Variants in RPA1 observed in about 807,000 individuals in gnomAD.
RPA1 encodes the protein replication protein A 70 kDa DNA-binding subunit.
Under a neutral mutation model 83.0 loss-of-function variants are expected in RPA1, and 49 were observed. The observed-to-expected ratio is 0.59, with a 90% confidence interval of 0.47 to 0.75. RPA1 has a LOEUF of 0.75. RPA1 is among the 30% of genes least tolerant of loss of function. The pLI is 0.00. For synonymous variants in RPA1, 279 were observed against 281.8 expected (o/e 0.99, Z 0.10); for missense variants, 693 against 776.1 (o/e 0.89, Z 1.27).
intron 1 of RPA1, among the ~76,000 whole-genome samples, chr17:1,838,051 G>T (rs945441317): frequency 6.6e-6 from 1 of 152,164 alleles, no homozygotes; most frequent in African/African-American, 2.4e-5. Context: ...CAGCACTTTG[G>T]GAGGCTGAGG....
At chr17:1,880,491 C>T in intron 11 of RPA1, 52 bp from the exon 12 acceptor site, 4 of 1,584,680 alleles carry the variant, frequency 2.5e-6, no homozygotes, top group African/African-American at 1.4e-5. Context: ...TAAAAATCTT[C>T]TGTGTTCTTC....
intron 14 of RPA1, among the ~76,000 whole-genome samples, chr17:1,891,330 T>C (rs1355956305): frequency 6.6e-6 from 1 of 152,206 alleles, no homozygotes; most frequent in Non-Finnish European, 1.5e-5. Flanking sequence ...AGCCGTCTCA[T>C]GGAACTCCTC....
At chr17:1,841,066 AAAAAT>A (rs753266359) in intron 1 of RPA1, among the ~76,000 whole-genome samples, 25 of 152,312 alleles carry the variant, frequency 1.6e-4, no homozygotes, top group Non-Finnish European at 2.5e-4. Context: ...CCGTCTCAAA[AAAAAT>A]AAAATAAAAT....
At chr17:1,846,150 A>G (rs1912247386) in intron 4 of RPA1, among the ~76,000 whole-genome samples, 1 of 151,800 alleles carries the variant, frequency 6.6e-6, no homozygotes, top group Admixed American at 6.6e-5. Flanking sequence ...CTTCCCCATT[A>G]TCAGCCTGTT....
chr17:1,831,898 CTTTTTTTTTTTTTTTT>C (rs138268342), intron 1 of RPA1, among the ~76,000 whole-genome samples: 6 of 37,816 alleles, frequency 1.6e-4, no homozygotes, highest in Non-Finnish European at 3.2e-4. Flanking sequence ...TGTGCCCGGC[CTTTTTTTTTTTTTTTT>C]TTTTTTTTTT....
rs773780886 is a variant in RPA1, at chr17:1,880,545, T to C, written c.1095T>C (p.Ala365=). Residue 365 remains alanine (A), a splice_region_variant and synonymous_variant, in exon 12 of 17, where the codon GCT becomes GCC. Coordinates refer to ENST00000254719, the MANE Select transcript of RPA1 (RefSeq NM_002945.5). ...TATGTCTGGTGTTTCTTTTACAGGC[T>C]GATAAATTTGATGGTTCTAGACAGC... ...VVTATLWGED[A]DKFDGSRQPV... is the part of the protein sequence containing the mutation. 2.4e-5 allele frequency: 39 copies of C among 1,613,348 alleles called. No homozygotes were observed. In the Admixed American group the frequency reaches 5.7e-4, roughly 23 times the overall value.
intron 5 of RPA1, among the ~76,000 whole-genome samples, chr17:1,867,013 G>A (rs1597442257): frequency 6.6e-6 from 1 of 152,252 alleles, no homozygotes; most frequent in South Asian, 2.1e-4. Context: ...GGGAAGATGT[G>A]GGGCTAGGCC....
At chr17:1,858,750 C>T (rs1912820548) in intron 5 of RPA1, among the ~76,000 whole-genome samples, 1 of 152,024 alleles carries the variant, frequency 6.6e-6, no homozygotes, top group African/African-American at 2.4e-5. Context: ...CAGACATGAG[C>T]CATCGTGCCA....
rs17292343 is a variant in RPA1 at position 1,889,574 on chromosome 17, C to T, written c.1551+723C>T. On this transcript the variant is annotated intron_variant, in intron 14 of 16. Coordinates refer to ENST00000254719, the MANE Select transcript of RPA1 (RefSeq NM_002945.5). ...CAGGTTGGTCTCAAGTTCCTGGCCT[C>T]ATGTCATCCTCCCACCTCAGCCTTC... Among the ~76,000 whole-genome samples, 276 of 152,268 alleles carry T rather than the reference C, an allele frequency of 1.8e-3. 1 individual carries two copies. The highest frequency in any genetic ancestry group is 6.4e-3 in the African/African-American group (266 of 41,560).
chr17:1,872,318 G>A (rs771928312), intron 5 of RPA1, 116 bp from the exon 6 acceptor site: 1 of 1,446,162 alleles, frequency 6.9e-7, no homozygotes, highest in Admixed American at 2.2e-5. Context: ...CTAATCCATG[G>A]GAGTCTTTGA....
intron 15 of RPA1, among the ~76,000 whole-genome samples, chr17:1,892,763 A>T (rs1007667178): frequency 1.3e-5 from 2 of 152,216 alleles, no homozygotes; most frequent in African/African-American, 4.8e-5. Context: ...TTATGCGGTG[A>T]CTTTCTTCCG....
rs750239148 is a variant in RPA1, at chr17:1,842,816, AGGG to A, written c.50_52del (p.Gly17del). On this transcript the variant is annotated inframe_deletion, in exon 2 of 17. Coordinates refer to ENST00000254719, the MANE Select transcript of RPA1 (RefSeq NM_002945.5). The stretch of plus-strand genomic sequence containing the variant: ...TTACTCCCTCAGGCCATCATGCAGA[AGGG>A]GGATACAAACATAAAGCCCATCCTC... 6.2e-6 allele frequency: 10 copies of A among 1,614,132 alleles called. No homozygotes were observed. Among genetic ancestry groups the A allele is most frequent in the Non-Finnish European group, 8.5e-6 (10 of 1,179,998 alleles).
At chr17:1,880,996 G>A (rs1478244391) in intron 12 of RPA1, among the ~76,000 whole-genome samples, 1 of 152,202 alleles carries the variant, frequency 6.6e-6, no homozygotes, top group Non-Finnish European at 1.5e-5. Context: ...TGCTGAAGGC[G>A]CCTTTCTTTC....
chr17:1,861,955 A>G (rs1912988131), intron 5 of RPA1, among the ~76,000 whole-genome samples: 1 of 151,760 alleles, frequency 6.6e-6, no homozygotes, highest in African/African-American at 2.4e-5. Flanking sequence ...GCTGGAGTGC[A>G]GTGGCGCGGT....
At chr17:1,837,102 C>T (rs531578548) in intron 1 of RPA1, among the ~76,000 whole-genome samples, 87 of 152,142 alleles carry the variant, frequency 5.7e-4, no homozygotes, top group African/African-American at 2.0e-3. Context: ...TCCCAAAGTG[C>T]TGGGATTACA....
intron 1 of RPA1, among the ~76,000 whole-genome samples, chr17:1,839,519 T>A (rs1361480156): frequency 6.6e-6 from 1 of 151,486 alleles, no homozygotes; most frequent in Non-Finnish European, 1.5e-5. Flanking sequence ...AGAGACGGGG[T>A]TTCACTATGC....
At chr17:1,896,757 G>T (rs17339298) in intron 16 of RPA1, among the ~76,000 whole-genome samples, 294 of 152,322 alleles carry the variant, frequency 1.9e-3, no homozygotes, top group Non-Finnish European at 3.7e-3. Context: ...TCCTCTCTGG[G>T]CTGTATCCCC....
chr17:1,843,858 G>C, intron 2 of RPA1, 62 bp from the exon 3 acceptor site: 1 of 1,421,668 alleles, frequency 7.0e-7, no homozygotes, highest in South Asian at 1.2e-5. Context: ...TGCCACTTCG[G>C]TTTACGTATC....
chr17:1,861,397 T>C (rs1912962697), intron 5 of RPA1, among the ~76,000 whole-genome samples: 1 of 152,134 alleles, frequency 6.6e-6, no homozygotes, highest in African/African-American at 2.4e-5. Flanking sequence ...TCTCACGTAT[T>C]TTCTCCCTTT....
Sources: allele counts gnomAD v4.1 joint callset (sites outside exome capture counted in the v4.1 genomes callset), GRCh38; gene constraint gnomAD v4.1.1; transcripts MANE v1.5; gene names NCBI Gene and HGNC (gene_info 2026-07-23, HGNC 2026-07-21).